Variants in EXOC6 observed in about 807,000 individuals in gnomAD.
EXOC6 encodes exocyst complex component 6.
EXOC6 carries 60 observed loss-of-function variants against 112.5 expected under a neutral mutation model. The ratio of observed to expected loss-of-function variants is 0.53; its 90% CI spans 0.43 to 0.66. EXOC6 has a LOEUF of 0.66. Ranked by LOEUF, EXOC6 falls within the 30% of genes least tolerant of loss-of-function variation. The pLI is 0.00. For synonymous variants in EXOC6, 295 were observed against 308.0 expected (o/e 0.96, Z 0.44); for missense variants, 855 against 957.1 (o/e 0.89, Z 1.41).
In EXOC6 at chr10:92,957,148, G is replaced by A. The variant is rs1853738439; in HGVS notation, c.1773+1434G>A. ...AAATTGATTGTTAGCTTTTATGTTA[G>A]ATTTTACATAATGCCTCTACTTTCT... is the stretch of plus-strand genomic sequence containing the variant. On this transcript the variant is annotated intron_variant, in intron 17 of 21. Transcript: ENST00000260762. Among the ~76,000 whole-genome samples the A allele has an allele frequency of 2.0e-5, 3 of 152,216 alleles. No homozygotes were observed. The South Asian group carries it at 6.2e-4, about 32-fold the overall frequency.
At chr10:92,994,810 T>G (rs1843411846) in intron 18 of EXOC6, among the ~76,000 whole-genome samples, 1 of 151,898 alleles carries the variant, frequency 6.6e-6, no homozygotes, top group African/African-American at 2.4e-5. Context: ...TATACCAGAG[T>G]GTGCCAATGG....
chr10:92,977,499 C>G (rs1039633913), intron 18 of EXOC6, among the ~76,000 whole-genome samples: 1 of 151,962 alleles, frequency 6.6e-6, no homozygotes, highest in African/African-American at 2.4e-5. Flanking sequence ...TGTCTTTGAA[C>G]TGAAAAAGGA....
chr10:93,018,205 A>G (rs1844629970), intron 20 of EXOC6, among the ~76,000 whole-genome samples: 1 of 152,058 alleles, frequency 6.6e-6, no homozygotes, highest in South Asian at 2.1e-4. Flanking sequence ...TTATAAAAAA[A>G]AGGGAGGGGG....
chr10:92,914,903 T>C (rs1370101327), intron 6 of EXOC6, among the ~76,000 whole-genome samples: 1 of 152,204 alleles, frequency 6.6e-6, no homozygotes, highest in African/African-American at 2.4e-5. Flanking sequence ...GGAATTAAGT[T>C]TATATTTTTT....
chr10:92,973,962 C>G, intron 17 of EXOC6, 91 bp from the exon 18 acceptor site: 1 of 1,105,320 alleles, frequency 9.0e-7, no homozygotes, highest in Non-Finnish European at 1.3e-6. Flanking sequence ...AATATTAAAC[C>G]AAAGGTAAAT....
chr10:92,975,165 G>T (rs1165828720), intron 18 of EXOC6, among the ~76,000 whole-genome samples: 21 of 151,196 alleles, frequency 1.4e-4, no homozygotes, highest in African/African-American at 5.1e-4. Context: ...AGTGAGGAGC[G>T]TCTCTGCCTG....
At position 92,842,924 on chromosome 10, in the gene EXOC6, G is replaced by A. The variant is rs150227071; in HGVS notation, c.86+8100G>A. Among the ~76,000 whole-genome samples, 1,119 of 152,206 alleles carry A rather than the reference G, an allele frequency of 7.4e-3. 10 individuals are homozygous for A. The highest frequency in any genetic ancestry group is 0.019 in the Admixed American group (288 of 15,276). ...CAAAAATTATTAAGAATTACAAGAT[G>A]GTGATGACAGGGTATTGAACCAAAG... On this transcript the variant is annotated intron_variant, in intron 1 of 21. Transcript: ENST00000371552.
At chr10:92,862,340 C>G (rs1037948880) in intron 1 of EXOC6, among the ~76,000 whole-genome samples, 2 of 151,916 alleles carry the variant, frequency 1.3e-5, no homozygotes, top group Non-Finnish European at 2.9e-5. Context: ...GCCCCCCCCC[C>G]ATAATTCATA....
intron 18 of EXOC6, among the ~76,000 whole-genome samples, chr10:92,979,208 T>C (rs908906807): frequency 1.3e-5 from 2 of 152,202 alleles, no homozygotes; most frequent in African/African-American, 4.8e-5. Context: ...TCACCCAGGC[T>C]GGAGTGCACT....
At chr10:92,910,460 G>T (rs1186936307) in intron 6 of EXOC6, among the ~76,000 whole-genome samples, 5 of 152,150 alleles carry the variant, frequency 3.3e-5, no homozygotes, top group African/African-American at 9.7e-5. Flanking sequence ...TTACCTCTGG[G>T]TGGGGAAATT....
At chr10:92,998,746 T>C (rs1053692423) in intron 19 of EXOC6, among the ~76,000 whole-genome samples, 1 of 152,136 alleles carries the variant, frequency 6.6e-6, no homozygotes, top group East Asian at 1.9e-4. Flanking sequence ...ATGGTTTTTT[T>C]CCTAGGGAAG....
At chr10:92,905,794 G>C (rs1487135560) in intron 5 of EXOC6, among the ~76,000 whole-genome samples, 2 of 152,132 alleles carry the variant, frequency 1.3e-5, no homozygotes, top group East Asian at 3.9e-4. Context: ...ATGTGAGCTT[G>C]AGAAAAATAT....
chr10:92,864,747 C>T (rs535624476), intron 1 of EXOC6, among the ~76,000 whole-genome samples: 12 of 152,116 alleles, frequency 7.9e-5, no homozygotes, highest in African/African-American at 2.9e-4. Context: ...ATCGGAACAC[C>T]TGGTCTCAGG....
chr10:93,048,692 G>A (rs1590110354), intron 20 of EXOC6, among the ~76,000 whole-genome samples: 2 of 147,340 alleles, frequency 1.4e-5, no homozygotes, highest in African/African-American at 2.5e-5. Context: ...GGAGGCAGAG[G>A]TTGCAGTGAG....
rs1589871615 is a variant in EXOC6 at position 92,940,587 on chromosome 10, T to C, written c.1213-140T>C. ...TGCAATGTAGTAGAAAGTCAAAATGTATCTTTTTTTTCTTACTGTGAGAAT... is the reference window on the plus strand; with the variant it reads ...TGCAATGTAGTAGAAAGTCAAAATGCATCTTTTTTTTCTTACTGTGAGAAT... On this transcript the variant is annotated intron_variant, in intron 12 of 21. Transcript: ENST00000260762. The C allele has an allele frequency of 6.6e-6, 4 of 603,766 alleles. No homozygotes were observed. In the East Asian group the frequency reaches 8.4e-5, roughly 13 times the overall value. 37.4% of individuals were successfully genotyped at this position (603,766 alleles called of 1,614,324 possible).
At position 92,875,835 on chromosome 10, in the gene EXOC6, CTA is replaced by C. The variant is rs1351624072; in HGVS notation, c.102-17511_102-17510del. ...AAATAGTTTTTAAGTGAAGCAGTGACTATAATATATAGAAATTTTCATCCCTT... is the reference window on the plus strand; with the variant it reads ...AAATAGTTTTTAAGTGAAGCAGTGACTAATATATAGAAATTTTCATCCCTT... On this transcript the variant is annotated intron_variant, in intron 1 of 21. Coordinates refer to ENST00000260762, the MANE Select transcript of EXOC6 (RefSeq NM_019053.6). Among the ~76,000 whole-genome samples, 5 of 151,770 alleles carry C rather than the reference CTA, an allele frequency of 3.3e-5. No homozygotes were observed. The South Asian group carries it at 6.2e-4, about 19-fold the overall frequency.
intron 1 of EXOC6, among the ~76,000 whole-genome samples, chr10:92,853,512 A>C (rs1211567849): frequency 6.6e-6 from 1 of 152,356 alleles, no homozygotes; most frequent in South Asian, 2.1e-4. Context: ...AAAGCTACAG[A>C]AATTAAGACT....
intron 8 of EXOC6, among the ~76,000 whole-genome samples, chr10:92,926,067 A>C (rs76459516): frequency 1.9e-4 from 29 of 151,484 alleles, no homozygotes; most frequent in African/African-American, 6.8e-4. Context: ...AAAAAAAAAA[A>C]CAAATGCCCT....
At chr10:92,895,878 TA>T (rs1423347908) in intron 4 of EXOC6, among the ~76,000 whole-genome samples, 105 of 132,546 alleles carry the variant, frequency 7.9e-4, no homozygotes, top group African/African-American at 2.8e-3. Context: ...TTTTTTTTTT[TA>T]AATATAGTAA....
Sources: gnomAD v4.1 joint callset for allele counts (sites outside exome capture counted in the v4.1 genomes callset) on GRCh38, gnomAD v4.1.1 for gene constraint, MANE v1.5 for transcripts, NCBI Gene and HGNC (gene_info 2026-07-23, HGNC 2026-07-21) for gene names.